Variants in KIF4A observed in about 807,000 individuals in gnomAD.
KIF4A encodes the protein kinesin family member 4A.
In KIF4A, 7 loss-of-function variants were observed where a neutral mutation model predicts 105.9. That is an observed-to-expected ratio of 0.07 (90% CI 0.04 to 0.12). KIF4A has a LOEUF of 0.12. KIF4A is among the 10% of genes least tolerant of loss of function. KIF4A has a pLI of 1.00. For synonymous variants in KIF4A, 281 were observed against 331.3 expected (o/e 0.85, Z 1.65); for missense variants, 558 against 929.2 (o/e 0.60, Z 5.19).
intron 18 of KIF4A, among the ~76,000 whole-genome samples, chrX:70,376,964 C>T (rs1319722681): frequency 8.9e-6 from 1 of 111,943 alleles, no homozygotes; most frequent in African/African-American, 3.2e-5. Flanking sequence ...CCTGAATATA[C>T]ATCTGACAAC....
intron 8 of KIF4A, 93 bp downstream of exon 8, chrX:70,329,614 G>T (rs962374707): frequency 1.5e-6 from 1 of 671,697 alleles, no homozygotes; most frequent in Non-Finnish European, 2.4e-6. Context: ...CAGCTATTTG[G>T]ACTATGACAT....
intron 28 of KIF4A, among the ~76,000 whole-genome samples, chrX:70,407,455 G>A (rs887908586): frequency 1.8e-5 from 2 of 111,073 alleles, no homozygotes; most frequent in African/African-American, 6.6e-5. Context: ...TTCATTCACT[G>A]CCACTGGGAT....
intron 7 of KIF4A, among the ~76,000 whole-genome samples, chrX:70,320,789 G>A (rs1025279591): frequency 1.8e-5 from 2 of 111,370 alleles, no homozygotes; most frequent in Non-Finnish European, 3.8e-5. Context: ...TGAGTGAACA[G>A]CATTGTACTA....
At chrX:70,338,387 C>T (rs1371036413) in intron 10 of KIF4A, among the ~76,000 whole-genome samples, 2 of 112,164 alleles carry the variant, frequency 1.8e-5, no homozygotes, top group Admixed American at 9.4e-5. Flanking sequence ...ATAGACATTT[C>T]GTATACATGG....
chrX:70,312,272 G>A (rs1249178605), intron 7 of KIF4A, among the ~76,000 whole-genome samples: 1 of 107,539 alleles, frequency 9.3e-6, no homozygotes, highest in Non-Finnish European at 1.9e-5. Flanking sequence ...AGCCTCCCAA[G>A]TAGCTGGGAT....
intron 15 of KIF4A, among the ~76,000 whole-genome samples, chrX:70,371,910 T>G (rs866040793): frequency 1.2e-4 from 9 of 76,361 alleles, no homozygotes; most frequent in Admixed American, 2.9e-4. Context: ...AGGCGGAGGG[T>G]CTCCTCACTT....
intron 6 of KIF4A, 22 bp downstream of exon 6, chrX:70,302,088 C>A (rs1375574186): frequency 1.7e-6 from 2 of 1,202,806 alleles, no homozygotes; most frequent in South Asian, 3.6e-5. Flanking sequence ...TTTAAAGAGT[C>A]AAGATTTTTA....
At chrX:70,342,682 C>A (rs2085976975) in intron 11 of KIF4A, among the ~76,000 whole-genome samples, 1 of 112,560 alleles carries the variant, frequency 8.9e-6, no homozygotes, top group Non-Finnish European at 1.9e-5. Flanking sequence ...TTAAAGATTT[C>A]TTTCAAGTGG....
At chrX:70,339,104 A>C (rs1016901303) in intron 10 of KIF4A, among the ~76,000 whole-genome samples, 1 of 109,830 alleles carries the variant, frequency 9.1e-6, no homozygotes, top group Non-Finnish European at 1.9e-5. Context: ...AAAAAAAAGA[A>C]AAAGAGGAAT....
At chrX:70,327,119 G>A (rs556858455) in intron 7 of KIF4A, among the ~76,000 whole-genome samples, 34 of 111,766 alleles carry the variant, frequency 3.0e-4, no homozygotes, top group African/African-American at 1.1e-3. Flanking sequence ...AAAAGAGAAG[G>A]AAAAGACAGG....
intron 15 of KIF4A, chrX:70,362,272 A>G: frequency 2.8e-6 from 1 of 361,081 alleles, no homozygotes; most frequent in Admixed American, 2.7e-5. Flanking sequence ...ACATCCAGAG[A>G]TGTGTGCACC....
chrX:70,373,843 C>CAT (rs1350012651), intron 15 of KIF4A, among the ~76,000 whole-genome samples: 1 of 94,880 alleles, frequency 1.1e-5, no homozygotes, highest in African/African-American at 3.8e-5. Flanking sequence ...CACACACACA[C>CAT]ACATACACAC....
At chrX:70,370,462 A>G (rs1417822670) in intron 15 of KIF4A, among the ~76,000 whole-genome samples, 2 of 108,003 alleles carry the variant, frequency 1.9e-5, no homozygotes, top group Non-Finnish European at 3.8e-5. Flanking sequence ...AAGTATAGAT[A>G]AATATAGAAT....
chrX:70,314,092 A>G (rs1049955706), intron 7 of KIF4A, among the ~76,000 whole-genome samples: 8 of 111,780 alleles, frequency 7.2e-5, no homozygotes, highest in Non-Finnish European at 1.5e-4. Context: ...CTGAACTAAG[A>G]TCCCTATGAG....
chrX:70,341,704 C>G, intron 10 of KIF4A, 95 bp from the exon 11 acceptor site: 2 of 919,702 alleles, frequency 2.2e-6, no homozygotes, highest in Non-Finnish European at 2.9e-6. Context: ...ATCCCCCTAC[C>G]TATCCAAAAG....
rs2086290395 is a variant in KIF4A at position 70,403,794 on chromosome X, C to T, written c.2620-70C>T. ...CCCTTTCAAGAAAGCTGACATTATC[C>T]TGCCTGTTGAAAGGGGGAAAGAAAG... On this transcript the variant is annotated intron_variant, in intron 23 of 30. Coordinates refer to ENST00000374403, the MANE Select transcript of KIF4A (RefSeq NM_012310.5). 8 of 971,575 alleles carry T rather than the reference C, an allele frequency of 8.2e-6. No individual in the cohort carries two copies. In the Admixed American group the frequency reaches 2.4e-4, roughly 29 times the overall value. The allele number at this position is 971,575 out of a possible 1,213,427, so 80.1% of individuals were successfully genotyped here. A position where few individuals can be genotyped will look rare whatever the true frequency, so the allele number is the denominator to read the frequency against.
chrX:70,329,225 T>C (rs2085921536), intron 7 of KIF4A, among the ~76,000 whole-genome samples, 180 bp from the exon 8 acceptor site: 1 of 112,105 alleles, frequency 8.9e-6, no homozygotes, highest in Admixed American at 9.4e-5. Context: ...ATCCAACATT[T>C]GGACCTTTGT....
chrX:70,358,498 A>G (rs1215944682), intron 15 of KIF4A, among the ~76,000 whole-genome samples: 1 of 111,902 alleles, frequency 8.9e-6, no homozygotes, highest in Non-Finnish European at 1.9e-5. Flanking sequence ...ATTAATTTCC[A>G]AGGTCTCCTT....
intron 23 of KIF4A, 90 bp from the exon 24 acceptor site, chrX:70,403,774 T>C (rs1306176199): frequency 5.8e-6 from 5 of 866,711 alleles, no homozygotes; most frequent in Non-Finnish European, 7.9e-6. Context: ...TCAGACCCTT[T>C]CAAGAAAGCT....
Sources: allele counts gnomAD v4.1 joint callset (sites outside exome capture counted in the v4.1 genomes callset), GRCh38; gene constraint gnomAD v4.1.1; transcripts MANE v1.5; gene names NCBI Gene and HGNC (gene_info 2026-07-23, HGNC 2026-07-21).